NPR3: variants seen among roughly 807,000 people sequenced by gnomAD.
The protein encoded by NPR3 is atrial natriuretic peptide receptor 3.
Under a neutral mutation model 54.5 loss-of-function variants are expected in NPR3, and 34 were observed. The ratio of observed to expected loss-of-function variants is 0.62; its 90% confidence interval spans 0.47 to 0.83. NPR3 has a LOEUF of 0.83. NPR3 is among the 40% of genes least tolerant of loss of function. The pLI is 0.00. For missense variants in NPR3, 674 were observed against 720.8 expected (o/e 0.94, Z 0.74); for synonymous variants, 289 against 297.1 (o/e 0.97, Z 0.28).
intron 3 of NPR3, among the ~76,000 whole-genome samples, chr5:32,764,493 A>T (rs757456429): frequency 5.3e-5 from 8 of 152,024 alleles, no homozygotes; most frequent in Non-Finnish European, 1.0e-4. Context: ...GTAGTTCTTC[A>T]AAAAAAGAAT....
At chr5:32,716,598 T>A (rs1056451486) in intron 1 of NPR3, 2 of 332,240 alleles carry the variant, frequency 6.0e-6, no homozygotes, top group African/African-American at 4.3e-5. Flanking sequence ...CATTCCAGCC[T>A]GGGCAACATA....
At chr5:32,728,875 A>ATG (rs1739294556) in intron 2 of NPR3, among the ~76,000 whole-genome samples, 1 of 138,220 alleles carries the variant, frequency 7.2e-6, no homozygotes, top group African/African-American at 2.6e-5. Flanking sequence ...ATATATATAT[A>ATG]TGTAAAATGA....
intron 3 of NPR3, among the ~76,000 whole-genome samples, chr5:32,769,843 T>C (rs1419483238): frequency 6.6e-6 from 1 of 152,212 alleles, no homozygotes; most frequent in Non-Finnish European, 1.5e-5. Flanking sequence ...GCTGACTTGT[T>C]TGGAACACAG....
chr5:32,707,656 T>C (rs1456321353), upstream of NPR3, among the ~76,000 whole-genome samples: 1 of 152,202 alleles, frequency 6.6e-6, no homozygotes, highest in Non-Finnish European at 1.5e-5. Context: ...CACAGGGGTA[T>C]TCTCGAATAC....
intron 6 of NPR3, 102 bp from the exon 7 acceptor site, chr5:32,784,694 C>A (rs1742515641): frequency 2.4e-6 from 2 of 840,094 alleles, no homozygotes; most frequent in African/African-American, 1.7e-5. Flanking sequence ...GGAAAAGTTG[C>A]CTCCAATGGG....
intron 4 of NPR3, among the ~76,000 whole-genome samples, chr5:32,778,825 C>T (rs996696884): frequency 6.6e-5 from 10 of 152,174 alleles, no homozygotes; most frequent in African/African-American, 2.2e-4. Flanking sequence ...AGGGCCACCT[C>T]ATCTTATAAA....
upstream of NPR3, among the ~76,000 whole-genome samples, chr5:32,706,272 A>G (rs993911169): frequency 5.9e-5 from 9 of 152,162 alleles, no homozygotes; most frequent in South Asian, 2.1e-4. Context: ...CTTCTTGTAC[A>G]TCCTGCAGAA....
chr5:32,703,598 C>A (rs1322325982), intron 1 of NPR3, among the ~76,000 whole-genome samples: 1 of 152,162 alleles, frequency 6.6e-6, no homozygotes, highest in South Asian at 2.1e-4. Flanking sequence ...GGGTCCTTCC[C>A]TTCAAGGCAG....
chr5:32,779,184 C>T (rs555071927), intron 4 of NPR3, among the ~76,000 whole-genome samples: 1 of 152,270 alleles, frequency 6.6e-6, no homozygotes, highest in South Asian at 2.1e-4. Flanking sequence ...CCTTGGGATC[C>T]TTTTTCCCAG....
At chr5:32,779,396 G>A (rs563928422) in intron 4 of NPR3, among the ~76,000 whole-genome samples, 139 of 152,294 alleles carry the variant, frequency 9.1e-4, no homozygotes, top group Middle Eastern at 3.4e-3. Context: ...AATATCAGCC[G>A]ATGATATATT....
At position 32,775,907 on chromosome 5, in the gene NPR3, A is replaced by C. The variant is rs75888211; in HGVS notation, c.1195+1064A>C. The stretch of plus-strand genomic sequence containing the variant: ...ATAGGAAAACAACAAAAAATGACCC[A>C]TTATCTCATCTCAAGCAACTTCTGT... On this transcript the variant is annotated intron_variant, in intron 4 of 7. Transcript: ENST00000265074. Among the ~76,000 whole-genome samples, 55 of 152,328 alleles carry C rather than the reference A, an allele frequency of 3.6e-4. No individual in the cohort carries two copies. The East Asian group carries it at 0.01, about 29-fold the overall frequency.
intron 1 of NPR3, among the ~76,000 whole-genome samples, chr5:32,720,941 T>C (rs1321056633): frequency 6.6e-6 from 1 of 152,234 alleles, no homozygotes; most frequent in Non-Finnish European, 1.5e-5. Context: ...TTAGTTATTA[T>C]ATAAATTGAT....
intron 2 of NPR3, among the ~76,000 whole-genome samples, chr5:32,734,279 G>A (rs1739611796): frequency 6.6e-6 from 1 of 152,184 alleles, no homozygotes; most frequent in Non-Finnish European, 1.5e-5. Flanking sequence ...GTGGGGCCAG[G>A]CCAGGTGAAT....
intron 1 of NPR3, among the ~76,000 whole-genome samples, chr5:32,719,166 C>A (rs562049190): frequency 1.3e-5 from 2 of 152,046 alleles, no homozygotes; most frequent in Non-Finnish European, 2.9e-5. Flanking sequence ...TATTGATTTG[C>A]GTATGTTGAA....
chr5:32,782,773 T>C, intron 5 of NPR3, 120 bp from the exon 6 acceptor site: 1 of 953,292 alleles, frequency 1.0e-6, no homozygotes, highest in South Asian at 1.9e-5. Context: ...TTTGATGAAA[T>C]GCCCAGAGGC....
In NPR3 at chr5:32,713,218, A is replaced by C. The variant is rs890556803; in HGVS notation, c.769+673A>C. The C allele has an allele frequency of 1.1e-5, 11 of 985,334 alleles. No homozygotes were observed. In the African/African-American group the frequency reaches 1.7e-4, roughly 16 times the overall value. 61.0% of individuals were successfully genotyped at this position (985,334 alleles called of 1,614,324 possible). On this transcript the variant is annotated intron_variant, in intron 1 of 7. Transcript: ENST00000265074. ...CTTCTCCCAGAGTGTTCTGCAACGC[A>C]GTTTCTAATGCGCCCAGAGCTAAGC...
intron 3 of NPR3, among the ~76,000 whole-genome samples, chr5:32,740,310 T>C (rs1295882521): frequency 6.6e-6 from 1 of 152,214 alleles, no homozygotes; most frequent in Non-Finnish European, 1.5e-5. Flanking sequence ...TTTGGATTAT[T>C]TACCTGAAGC....
chr5:32,703,812 C>T (rs1737897224), intron 1 of NPR3, among the ~76,000 whole-genome samples: 1 of 152,184 alleles, frequency 6.6e-6, no homozygotes, highest in Non-Finnish European at 1.5e-5. Flanking sequence ...GCTGCACTGC[C>T]TGGGGTTGGG....
At chr5:32,771,629 A>G (rs1161130589) in intron 3 of NPR3, among the ~76,000 whole-genome samples, 1 of 152,074 alleles carries the variant, frequency 6.6e-6, no homozygotes, top group African/African-American at 2.4e-5. Context: ...CTGGGTTAGG[A>G]TTTTGAGGAT....
Sources: gnomAD v4.1 joint callset for allele counts (sites outside exome capture counted in the v4.1 genomes callset) on GRCh38, gnomAD v4.1.1 for gene constraint, MANE v1.5 for transcripts, NCBI Gene and HGNC (gene_info 2026-07-23, HGNC 2026-07-21) for gene names.